The following CR1L variants were observed in gnomAD, a reference collection of about 807,000 sequenced individuals.
CR1L encodes the protein complement component receptor 1-like protein.
A neutral mutation model predicts 62.3 loss-of-function variants in CR1L; 59 were observed. That is an observed-to-expected ratio of 0.95 (90% CI 0.77 to 1.18). CR1L has a LOEUF of 1.18. Among genes scored for constraint, CR1L ranks in the 50% most tolerant of loss-of-function variants. CR1L has a pLI of 0.00. For missense variants in CR1L, 700 were observed against 702.8 expected (o/e 1.00, Z 0.04); for synonymous variants, 279 against 248.7 (o/e 1.12, Z -1.15).
intron 1 of CR1L, among the ~76,000 whole-genome samples, chr1:207,646,070 G>C (rs1011892936): frequency 6.6e-6 from 1 of 151,440 alleles, no homozygotes; most frequent in Non-Finnish European, 1.5e-5. Flanking sequence ...TGTGAACAGT[G>C]TCCGTGTTGC....
chr1:207,697,457 A>T (rs751320041), intron 5 of CR1L, 46 bp from the exon 6 acceptor site: 2 of 1,613,152 alleles, frequency 1.2e-6, no homozygotes, highest in Non-Finnish European at 1.7e-6. Flanking sequence ...AGTGAGAGAA[A>T]AGTTATTTTC....
chr1:207,701,813 G>C (rs1664196788), intron 9 of CR1L, 195 bp downstream of exon 9: 1 of 825,132 alleles, frequency 1.2e-6, no homozygotes, highest in Admixed American at 2.0e-5. Flanking sequence ...TGGAAACCAG[G>C]GCAGTGCACA....
At chr1:207,656,703 G>C (rs1318306025) in intron 1 of CR1L, among the ~76,000 whole-genome samples, 1 of 152,062 alleles carries the variant, frequency 6.6e-6, no homozygotes, top group Non-Finnish European at 1.5e-5. Flanking sequence ...GGGAGGTGTT[G>C]CGCACTTTTA....
At chr1:207,674,756 T>C (rs1346801650) in intron 1 of CR1L, among the ~76,000 whole-genome samples, 1 of 152,216 alleles carries the variant, frequency 6.6e-6, no homozygotes, top group Non-Finnish European at 1.5e-5. Context: ...TCTTCCTTTG[T>C]CTAGCATCAA....
intron 1 of CR1L, among the ~76,000 whole-genome samples, chr1:207,673,210 C>T (rs1375690934): frequency 1.3e-5 from 2 of 152,140 alleles, no homozygotes; most frequent in South Asian, 2.1e-4. Flanking sequence ...TTTTTGTCCC[C>T]TTAGATGTCA....
intron 10 of CR1L, chr1:207,710,909 A>T (rs1320812122): frequency 4.1e-6 from 4 of 982,462 alleles, no homozygotes; most frequent in Non-Finnish European, 6.1e-6. Context: ...GTTTTGGGGG[A>T]AGAAGCATGA....
rs1323035889 is a variant in CR1L, at chr1:207,694,334, T to C, written c.464-19T>C. 1 of 1,613,482 alleles carries C rather than the reference T, an allele frequency of 6.2e-7. No homozygotes were observed. Among genetic ancestry groups the C allele is most frequent in the East Asian group, 2.2e-5 (1 of 44,896 alleles). Reference sequence around the variant, plus strand: ...TTTGTCATTCATTATTTAAATTGACTGTGCTCTTCCTTTCCCAGGAATTAT... The same window carrying C: ...TTTGTCATTCATTATTTAAATTGACCGTGCTCTTCCTTTCCCAGGAATTAT... On this transcript the variant is annotated intron_variant, in intron 4 of 11. Transcript: ENST00000508064.
chr1:207,673,576 A>T (rs1663646058), intron 1 of CR1L, among the ~76,000 whole-genome samples: 1 of 152,260 alleles, frequency 6.6e-6, no homozygotes, highest in African/African-American at 2.4e-5. Flanking sequence ...GGAGTGCATG[A>T]AATTGGGCTG....
intron 11 of CR1L, among the ~76,000 whole-genome samples, chr1:207,722,930 G>T (rs1000947667): frequency 6.6e-6 from 1 of 152,040 alleles, no homozygotes; most frequent in African/African-American, 2.4e-5. Context: ...CACAATAGAA[G>T]TCATTGAATA....
chr1:207,708,074 A>T, intron 9 of CR1L, 104 bp from the exon 10 acceptor site: 2 of 1,369,726 alleles, frequency 1.5e-6, no homozygotes, highest in Non-Finnish European at 2.1e-6. Context: ...GCTAGGCCTT[A>T]GACTTCTCCT....
intron 8 of CR1L, among the ~76,000 whole-genome samples, chr1:207,700,789 C>G (rs1371653944): frequency 6.6e-6 from 1 of 152,180 alleles, no homozygotes; most frequent in Admixed American, 6.5e-5. Flanking sequence ...TCCCCAGGAT[C>G]CTGATGAGTG....
At chr1:207,706,013 G>A (rs367634925) in intron 9 of CR1L, among the ~76,000 whole-genome samples, 29 of 133,586 alleles carry the variant, frequency 2.2e-4, no homozygotes, top group Non-Finnish European at 3.9e-4. Flanking sequence ...GTGTGTGTAT[G>A]TATATATATA....
At position 207,710,434 on chromosome 1, in the gene CR1L, C is replaced by G; in HGVS notation, c.1414+2171C>G. On this transcript the variant is annotated intron_variant, in intron 10 of 11. Coordinates refer to ENST00000508064, the MANE Select transcript of CR1L (RefSeq NM_175710.2). ...TCACCAATGGATATTTCATTAGCAC[C>G]GACAGAGAGTATTTTCACTATGGAT... The G allele has an allele frequency of 3.8e-6, 6 of 1,579,834 alleles. No individual in the cohort carries two copies. In the South Asian group the frequency reaches 6.6e-5, roughly 17 times the overall value.
intron 1 of CR1L, among the ~76,000 whole-genome samples, chr1:207,673,142 A>G (rs1210222938): frequency 6.6e-6 from 1 of 152,226 alleles, no homozygotes; most frequent in Non-Finnish European, 1.5e-5. Context: ...TATCATGAAG[A>G]CAGTTGAAAT....
At chr1:207,663,697 A>T (rs1663464040) in intron 1 of CR1L, among the ~76,000 whole-genome samples, 1 of 152,216 alleles carries the variant, frequency 6.6e-6, no homozygotes, top group Non-Finnish European at 1.5e-5. Flanking sequence ...GGAAATGCAG[A>T]AATCACCCGT....
intron 10 of CR1L, chr1:207,709,077 C>A: frequency 4.1e-6 from 1 of 246,198 alleles, no homozygotes; most frequent in Non-Finnish European, 8.0e-6. Context: ...TTTATTAGTT[C>A]TGCCAGAGCT....
intron 1 of CR1L, among the ~76,000 whole-genome samples, chr1:207,674,805 T>C (rs558665567): frequency 5.3e-5 from 8 of 151,936 alleles, no homozygotes; most frequent in Non-Finnish European, 1.2e-4. Context: ...TCATCCCACA[T>C]ATCAACTAGA....
At position 207,694,512 on chromosome 1, in the gene CR1L, C is replaced by A; in HGVS notation, c.623C>A (p.Thr208Asn). 6.2e-7 allele frequency: 1 copy of A among 1,613,598 alleles called. No homozygotes were observed. ...ELVGEPSIYC[T>N]SKDDQVGIWS... is the part of the protein sequence containing the mutation. The stretch of plus-strand genomic sequence containing the variant: ...GTGGGTGAGCCCTCCATATACTGCA[C>A]CAGCAAAGATGATCAAGTGGGCATC... The change falls in exon 5 of 12, where the codon ACC becomes AAC. Residue 208 changes from threonine to asparagine, a missense_variant. Physicochemically the swap from Thr to Asn is moderately conservative, Grantham distance 65 (BLOSUM62 0). Transcript: ENST00000508064.
intron 1 of CR1L, chr1:207,669,603 A>C: frequency 7.9e-7 from 1 of 1,258,832 alleles, no homozygotes. Context: ...GCCCGGGCTG[A>C]CGAGGCACCC....
Sources: gnomAD v4.1 joint callset for allele counts (sites outside exome capture counted in the v4.1 genomes callset) on GRCh38, gnomAD v4.1.1 for gene constraint, MANE v1.5 for transcripts, NCBI Gene and HGNC (gene_info 2026-07-23, HGNC 2026-07-21) for gene names.